The following PPARGC1A variants were observed in gnomAD, a reference collection of about 807,000 sequenced individuals.
PPARGC1A encodes the protein PPARG coactivator 1 alpha.
Under a neutral mutation model 88.7 loss-of-function variants are expected in PPARGC1A, and 25 were observed. The ratio of observed to expected loss-of-function variants is 0.28; its 90% CI spans 0.21 to 0.39. The LOEUF (loss-of-function observed/expected upper bound fraction) is 0.39, where lower values mean the gene tolerates loss of function less well. Among genes scored for constraint, PPARGC1A ranks in the 10% least tolerant of loss-of-function variants. PPARGC1A has a pLI of 1.00. For missense variants in PPARGC1A, 880 were observed against 968.7 expected (o/e 0.91, Z 1.22); for synonymous variants, 363 against 355.6 (o/e 1.02, Z -0.24).
the PPARGC1A span, among the ~76,000 whole-genome samples, chr4:24,219,793 C>T: frequency 1.3e-5 from 2 of 152,132 alleles, no homozygotes; most frequent in Non-Finnish European, 2.9e-5. Context: ...ACAAAGGCCA[C>T]TTCCACATTC....
the PPARGC1A span, among the ~76,000 whole-genome samples, chr4:24,447,777 C>T: frequency 2.0e-5 from 3 of 152,182 alleles, no homozygotes; most frequent in Non-Finnish European, 2.9e-5. Context: ...AGGTCCTAAA[C>T]GTTAGGAGAA....
At chr4:24,466,524 T>A in the PPARGC1A span, among the ~76,000 whole-genome samples, 1 of 152,142 alleles carries the variant, frequency 6.6e-6, no homozygotes. Context: ...AAAATGGGAA[T>A]AACAGTAAAA....
chr4:24,007,542 A>C, the PPARGC1A span, among the ~76,000 whole-genome samples: 1 of 147,502 alleles, frequency 6.8e-6, no homozygotes, highest in Non-Finnish European at 1.5e-5. Flanking sequence ...GAATGAGTAG[A>C]GATGAGAGGA....
At chr4:24,449,099 A>G in the PPARGC1A span, among the ~76,000 whole-genome samples, 1 of 152,186 alleles carries the variant, frequency 6.6e-6, no homozygotes, top group African/African-American at 2.4e-5. Context: ...GCAGGACCCC[A>G]CAAGAGCTGA....
chr4:24,346,833 G>C, the PPARGC1A span, among the ~76,000 whole-genome samples: 3 of 151,900 alleles, frequency 2.0e-5, no homozygotes, highest in Non-Finnish European at 4.4e-5. Flanking sequence ...GTTTGTTCTT[G>C]TTTCTCTAGT....
At chr4:24,042,750 T>C in the PPARGC1A span, among the ~76,000 whole-genome samples, 1 of 152,236 alleles carries the variant, frequency 6.6e-6, no homozygotes, top group African/African-American at 2.4e-5. Context: ...CATGATATAG[T>C]GTATATAAAT....
the PPARGC1A span, among the ~76,000 whole-genome samples, chr4:24,224,981 T>C: frequency 2.4e-4 from 37 of 152,138 alleles, no homozygotes; most frequent in Non-Finnish European, 4.4e-4. Flanking sequence ...ATGTCACGCA[T>C]GTTCAAAGAT....
chr4:24,230,982 G>A, the PPARGC1A span, among the ~76,000 whole-genome samples: 1 of 148,940 alleles, frequency 6.7e-6, no homozygotes, highest in South Asian at 2.1e-4. Flanking sequence ...AGAAGAAGAA[G>A]CAAAGGTATT....
chr4:24,127,814 G>A, the PPARGC1A span, among the ~76,000 whole-genome samples: 1 of 151,976 alleles, frequency 6.6e-6, no homozygotes, highest in African/African-American at 2.4e-5. Context: ...TAGTACATCA[G>A]CAGTTCAATA....
intron 2 of PPARGC1A, among the ~76,000 whole-genome samples, chr4:23,854,196 C>T (rs980158293): frequency 1.3e-5 from 2 of 152,086 alleles, no homozygotes; most frequent in Non-Finnish European, 2.9e-5. Flanking sequence ...ATAAGTCAGT[C>T]CGATACTGAG....
At chr4:23,944,922 AGTGT>A in the PPARGC1A span, among the ~76,000 whole-genome samples, 1 of 152,182 alleles carries the variant, frequency 6.6e-6, no homozygotes, top group South Asian at 2.1e-4. Flanking sequence ...CTTTATTAGC[AGTGT>A]GAGAATGGAC....
intron 7 of PPARGC1A, among the ~76,000 whole-genome samples, chr4:23,818,009 T>G (rs529638967): frequency 6.6e-6 from 1 of 152,140 alleles, no homozygotes; most frequent in East Asian, 1.9e-4. Flanking sequence ...TACCCACAAC[T>G]TTCCCCCCTG....
chr4:23,831,055 G>GAA (rs1434418182), intron 3 of PPARGC1A, among the ~76,000 whole-genome samples: 12 of 151,830 alleles, frequency 7.9e-5, no homozygotes, highest in Non-Finnish European at 1.6e-4. Context: ...AAAAATAGAA[G>GAA]AAAAAACTAA....
chr4:23,863,535 T>C lies in PPARGC1A; in HGVS notation c.234+21217A>G, dbSNP rs112605466. Among the ~76,000 whole-genome samples the C allele has an allele frequency of 1.7e-3, 255 of 152,304 alleles. 1 individual carries two copies. The highest frequency in any genetic ancestry group is 6.0e-3 in the African/African-American group (249 of 41,574). Reference sequence around the variant, plus strand: ...GCTGCTCTATTAGATGAGTCCCCAGTCATCACTTGGTCTTTCCTCACCACT... The same window carrying C: ...GCTGCTCTATTAGATGAGTCCCCAGCCATCACTTGGTCTTTCCTCACCACT... On this transcript the variant is annotated intron_variant, in intron 2 of 12. Transcript: ENST00000264867.
the PPARGC1A span, among the ~76,000 whole-genome samples, chr4:24,383,474 C>G: frequency 6.6e-6 from 1 of 151,878 alleles, no homozygotes. Context: ...AGCTAAGAAC[C>G]TTGAAAAAAG....
At chr4:24,045,402 C>T in the PPARGC1A span, among the ~76,000 whole-genome samples, 11 of 152,016 alleles carry the variant, frequency 7.2e-5, no homozygotes, top group East Asian at 3.9e-4. Flanking sequence ...TACAAAGTAC[C>T]GTAAACTGAG....
chr4:23,924,940 A>G, the PPARGC1A span, among the ~76,000 whole-genome samples: 1 of 151,994 alleles, frequency 6.6e-6, no homozygotes, highest in Non-Finnish European at 1.5e-5. Context: ...TTCATGGTGC[A>G]TAAGATCAGA....
At chr4:24,465,886 A>G in the PPARGC1A span, among the ~76,000 whole-genome samples, 1 of 152,198 alleles carries the variant, frequency 6.6e-6, no homozygotes, top group Non-Finnish European at 1.5e-5. Context: ...ATGTAACTAT[A>G]TGTAGCACAA....
At chr4:24,317,736 C>T in the PPARGC1A span, among the ~76,000 whole-genome samples, 5 of 151,888 alleles carry the variant, frequency 3.3e-5, no homozygotes, top group Admixed American at 6.6e-5. Context: ...GCCCCAGCCC[C>T]GAACCCAGAC....
Sources: allele counts gnomAD v4.1 joint callset (sites outside exome capture counted in the v4.1 genomes callset), GRCh38; gene constraint gnomAD v4.1.1; transcripts MANE v1.5; gene names NCBI Gene and HGNC (gene_info 2026-07-23, HGNC 2026-07-21).